ZNF544: variants seen among roughly 807,000 people sequenced by gnomAD.
ZNF544 encodes the protein zinc finger protein AF020591.
ZNF544 carries 10 observed loss-of-function variants against 13.5 expected under a neutral mutation model. That is an observed-to-expected ratio of 0.74 (90% CI 0.46 to 1.25). ZNF544 has a LOEUF of 1.25. Ranked by LOEUF, ZNF544 falls within the 50% of genes most tolerant of loss-of-function variation. The pLI, the probability that ZNF544 is intolerant of heterozygous loss-of-function variation, is 0.00. For missense variants in ZNF544, 896 were observed against 845.6 expected (o/e 1.06, Z -0.74); for synonymous variants, 323 against 300.5 (o/e 1.07, Z -0.77).
At chr19:58,270,459 G>A (rs562945277) in intron 5 of ZNF544, among the ~76,000 whole-genome samples, 35 of 152,120 alleles carry the variant, frequency 2.3e-4, no homozygotes, top group Non-Finnish European at 4.6e-4. Context: ...GTGCCACCAC[G>A]CCCAGCTAAT....
rs2049150021 is a variant in ZNF544 at position 58,262,348 on chromosome 19, G to A, written c.1742G>A (p.Cys581Tyr). ...TGEKPYDCTH[C>Y]GKSFSQSYQL... is the part of the protein sequence containing the mutation. ...GAGAAACCGTACGATTGCACTCACT[G>A]TGGAAAGTCCTTCAGCCAAAGCTAT... The change falls in exon 7 of 7, where the codon TGT becomes TAT. Residue 581 changes from cysteine (C) to tyrosine (Y), a missense_variant. Transcript: ENST00000687789. 1 of 1,613,982 alleles carries A rather than the reference G, an allele frequency of 6.2e-7. No individual in the cohort carries two copies. Among genetic ancestry groups the A allele is most frequent in the Non-Finnish European group, 8.5e-7 (1 of 1,179,932 alleles).
At chr19:58,246,667 G>C (rs577200379) in intron 5 of ZNF544, 44 bp from the exon 6 acceptor site, 5 of 1,599,462 alleles carry the variant, frequency 3.1e-6, no homozygotes, top group Non-Finnish European at 3.4e-6. Flanking sequence ...CATGGTTCTT[G>C]GTGTCCAAGC....
At chr19:58,256,153 A>G (rs1043941593) in intron 6 of ZNF544, among the ~76,000 whole-genome samples, 8 of 152,222 alleles carry the variant, frequency 5.3e-5, no homozygotes, top group South Asian at 4.1e-4. Flanking sequence ...GGATTCCCCT[A>G]TATGGAAAAG....
downstream of ZNF544, among the ~76,000 whole-genome samples, chr19:58,265,624 G>A (rs2049771407): frequency 6.8e-6 from 1 of 147,146 alleles, no homozygotes; most frequent in African/African-American, 2.5e-5. Context: ...GACACAGGCT[G>A]TTGCTCTGTC....
At chr19:58,253,436 T>C (rs1157037644) in intron 6 of ZNF544, among the ~76,000 whole-genome samples, 1 of 152,170 alleles carries the variant, frequency 6.6e-6, no homozygotes, top group African/African-American at 2.4e-5. Flanking sequence ...TAAATTAGTC[T>C]GATTTGTTTA....
intron 3 of ZNF544, among the ~76,000 whole-genome samples, chr19:58,239,346 C>T (rs542970641): frequency 1.5e-4 from 22 of 151,602 alleles, no homozygotes; most frequent in Non-Finnish European, 2.5e-4. Context: ...CTTCCCCCCT[C>T]CACTCCCACC....
chr19:58,267,472 G>T (rs565001284), downstream of ZNF544: 1 of 145,688 alleles, frequency 6.9e-6, no homozygotes, highest in Admixed American at 6.8e-5. Flanking sequence ...AGGCCGAGGC[G>T]GTCGGATCGT....
chr19:58,241,179 A>ATATATATAT lies in ZNF544; in HGVS notation c.-59-2785_-59-2784insATATATATT, dbSNP rs1181835768. 1.3e-3 allele frequency among the ~76,000 whole-genome samples: 97 copies of ATATATATAT among 72,718 alleles called. 1 individual carries two copies. Among genetic ancestry groups the ATATATATAT allele is most frequent in the East Asian group, 6.4e-3 (16 of 2,488 alleles). 47.7% of individuals were successfully genotyped at this position (72,718 alleles called of 152,430 possible). A position where few individuals can be genotyped will look rare whatever the true frequency, so the allele number is the denominator to read the frequency against. ...TATATTTAAATATATATATATATATATTTTTTTTTTTTTGTAGAGATAGGG... is the reference window on the plus strand; with the variant it reads ...TATATTTAAATATATATATATATATATATATATATTTTTTTTTTTTTTGTAGAGATAGGG... On this transcript the variant is annotated intron_variant, in intron 3 of 6. Coordinates refer to ENST00000687789, the MANE Select transcript of ZNF544 (RefSeq NM_014480.4).
intron 6 of ZNF544, chr19:58,247,598 G>C (rs556009566): frequency 6.6e-6 from 1 of 151,986 alleles, no homozygotes; most frequent in South Asian, 2.1e-4. Flanking sequence ...GTTTCTCCAT[G>C]TTGGTCAGGC....
chr19:58,268,384 A>G (rs2050203060), downstream of ZNF544, among the ~76,000 whole-genome samples: 1 of 152,232 alleles, frequency 6.6e-6, no homozygotes, highest in African/African-American at 2.4e-5. Context: ...TGAAATTACA[A>G]GTAAGATTGT....
rs553590525 is a variant in ZNF544 at position 58,269,487 on chromosome 19, T to C, written c.245-6836T>C. ...AGGGTCGGGCATGGTGGCTCACACCTGTAATCCCAGCTACTTGGGAGGCTG... is the reference window on the plus strand; with the variant it reads ...AGGGTCGGGCATGGTGGCTCACACCCGTAATCCCAGCTACTTGGGAGGCTG... On this transcript the variant is annotated intron_variant, in intron 5 of 6. Transcript: ENST00000595981. 1.9e-4 allele frequency among the ~76,000 whole-genome samples: 29 copies of C among 148,766 alleles called. No individual in the cohort carries two copies. The South Asian group carries it at 4.0e-3, about 21-fold the overall frequency.
At chr19:58,239,730 C>A (rs1162216578) in intron 3 of ZNF544, among the ~76,000 whole-genome samples, 2 of 152,098 alleles carry the variant, frequency 1.3e-5, no homozygotes, top group East Asian at 1.9e-4. Context: ...AAAACCCCGT[C>A]TTTACTAAAA....
intron 4 of ZNF544, among the ~76,000 whole-genome samples, chr19:58,245,066 G>C (rs1480884451): frequency 6.6e-6 from 1 of 151,872 alleles, no homozygotes; most frequent in African/African-American, 2.4e-5. Context: ...TCCTGCCTCG[G>C]CCTCCCAAGT....
intron 6 of ZNF544, among the ~76,000 whole-genome samples, chr19:58,247,838 C>T (rs773806434): frequency 2.0e-5 from 3 of 152,130 alleles, no homozygotes; most frequent in Admixed American, 6.5e-5. Flanking sequence ...GTCCTACAGA[C>T]ACATGCAGTG....
rs142461227 is a variant in ZNF544 at position 58,276,373 on chromosome 19, T to C, written c.295T>C (p.Phe99Leu). Residue 99 changes from phenylalanine (F) to leucine (L), a missense_variant, in exon 6 of 7, where the codon TTT becomes CTT. Coordinates refer to the ZNF544 transcript ENST00000595981. ...TTTGGGACTCCCAATAGAAGACAGA[T>C]TTAGTCTCCTGGAAGGCTGCCTGAT... 982 of 1,231,634 alleles carry C rather than the reference T, an allele frequency of 8.0e-4. 5 individuals are homozygous for C. The African/African-American group carries it at 0.014, about 18-fold the overall frequency. 76.3% of individuals were successfully genotyped at this position (1,231,634 alleles called of 1,614,324 possible). A position where few individuals can be genotyped will look rare whatever the true frequency, so the allele number is the denominator to read the frequency against.
chr19:58,234,838 T>A (rs562220414), intron 3 of ZNF544, among the ~76,000 whole-genome samples: 1 of 152,348 alleles, frequency 6.6e-6, no homozygotes, highest in South Asian at 2.1e-4. Context: ...ATTACAGTGA[T>A]TACAGCTATT....
intron 6 of ZNF544, chr19:58,258,966 C>T (rs1032283049): frequency 1.3e-5 from 2 of 152,190 alleles, no homozygotes; most frequent in African/African-American, 4.8e-5. Context: ...GAGGAATCCC[C>T]ACCAGGACAA....
intron 6 of ZNF544, among the ~76,000 whole-genome samples, chr19:58,247,910 T>C (rs954035818): frequency 2.6e-5 from 4 of 152,064 alleles, no homozygotes; most frequent in African/African-American, 7.2e-5. Context: ...AAACCTATCT[T>C]GAGGCATCCT....
rs1490264924 is a variant in ZNF544 at position 58,262,834 on chromosome 19, G to T, written c.*80G>T. ...CAGAGGACGCATGTCGGTGGGAAGA[G>T]CTATCAGTGTGACGTGTATTAAGCC... On this transcript the variant is annotated 3_prime_UTR_variant, in exon 7 of 7. Transcript: ENST00000687789. 26 of 1,522,956 alleles carry T rather than the reference G, an allele frequency of 1.7e-5. No individual in the cohort carries two copies. Among genetic ancestry groups the T allele is most frequent in the Non-Finnish European group, 1.8e-5 (20 of 1,137,996 alleles). The allele number at this position is 1,522,956 out of a possible 1,614,324, so 94.3% of individuals were successfully genotyped here. A position where few individuals can be genotyped will look rare whatever the true frequency, so the allele number is the denominator to read the frequency against.
Sources: gnomAD v4.1 joint callset for allele counts (sites outside exome capture counted in the v4.1 genomes callset) on GRCh38, gnomAD v4.1.1 for gene constraint, MANE v1.5 for transcripts, NCBI Gene and HGNC (gene_info 2026-07-23, HGNC 2026-07-21) for gene names.